KRT27: variants seen among roughly 807,000 people sequenced by gnomAD.
KRT27 encodes keratin 27, also known as keratin, type I cytoskeletal 27.
Under a neutral mutation model 45.3 loss-of-function variants are expected in KRT27, and 30 were observed. The ratio of observed to expected loss-of-function variants is 0.66; its 90% CI spans 0.50 to 0.90. The LOEUF is 0.90. KRT27 is among the 40% of genes least tolerant of loss of function. The pLI, the probability that KRT27 is intolerant of heterozygous loss-of-function variation, is 0.00. For missense variants in KRT27, 610 were observed against 564.3 expected, an observed-to-expected ratio of 1.08 and a Z score of -0.82; for synonymous variants, 204 against 223.9, an observed-to-expected ratio of 0.91 and a Z score of 0.79.
chr17:40,777,990 AG>A (rs2038279468), intron 5 of KRT27: 4 of 479,260 alleles, frequency 8.3e-6, no homozygotes, highest in Non-Finnish European at 1.5e-5. Flanking sequence ...GTCTCTTCAT[AG>A]GGCACAGACT....
At chr17:40,781,121 T>G (rs2038307897) in intron 2 of KRT27, 67 bp downstream of exon 2, 1 of 946,264 alleles carries the variant, frequency 1.1e-6, no homozygotes, top group African/African-American at 1.7e-5. Flanking sequence ...TCAAATAACT[T>G]AGAAGAATAA....
rs1361394780 is a variant in KRT27, at chr17:40,776,893, T to G, written c.*106A>C. ...GGTACTATTCTAAAAATAACTTGTC[T>G]TAATTCATTGGAAGAAAAGCAGAAA... On this transcript the variant is annotated 3_prime_UTR_variant, in exon 8 of 8. Transcript: ENST00000301656. 1.9e-6 allele frequency: 2 copies of G among 1,029,580 alleles called. No homozygotes were observed. The highest frequency in any genetic ancestry group is 2.9e-6 in the Non-Finnish European group (2 of 701,184). The allele number at this position is 1,029,580 out of a possible 1,614,324, so 63.8% of individuals were successfully genotyped here.
At chr17:40,777,392 T>G (rs2144156846) in intron 6 of KRT27, 90 bp from the exon 7 acceptor site, 10 of 1,531,756 alleles carry the variant, frequency 6.5e-6, no homozygotes, top group Non-Finnish European at 9.0e-6. Flanking sequence ...CACTGCATTC[T>G]GAAATAACAC....
chr17:40,776,972 G>C lies in KRT27; in HGVS notation c.*27C>G. ...GCTTCATTTTGGTATTTTAATTTGG[G>C]GGCCATTCTGTCTCAGAGGCTGGAG... On this transcript the variant is annotated 3_prime_UTR_variant, in exon 8 of 8. Coordinates refer to ENST00000301656, the MANE Select transcript of KRT27 (RefSeq NM_181537.4). 6.4e-7 allele frequency: 1 copy of C among 1,565,038 alleles called. No homozygotes were observed. The highest frequency in any genetic ancestry group is 1.2e-5 in the South Asian group (1 of 83,454).
At position 40,781,232 on chromosome 17, in the gene KRT27, C is replaced by T. The variant is rs2143036563; in HGVS notation, c.483G>A (p.Leu161=). The T allele has an allele frequency of 6.2e-7, 1 of 1,611,056 alleles. No homozygotes were observed. Among genetic ancestry groups the T allele is most frequent in the South Asian group, 1.1e-5 (1 of 90,472 alleles). ...CTGTTAGTCTTGCATTATCATTTTG[C>T]AGGACAACATGGGCATTACTGGTAG... is the stretch of plus-strand genomic sequence containing the variant. ...SATTSNAHVV[L]QNDNARLTAD... is the part of the protein sequence containing the mutation. The change falls in exon 2 of 8, where the codon CTG becomes CTA. Residue 161 remains leucine, a synonymous_variant. Transcript: ENST00000301656.
At chr17:40,779,371 AAT>A in intron 5 of KRT27, 129 bp downstream of exon 5, 1 of 1,152,918 alleles carries the variant, frequency 8.7e-7, no homozygotes, top group East Asian at 2.6e-5. Flanking sequence ...GCAAAATGCA[AAT>A]ATGTCTTATG....
At chr17:40,781,156 T>A in intron 2 of KRT27, 32 bp downstream of exon 2, 1 of 1,448,974 alleles carries the variant, frequency 6.9e-7, no homozygotes, top group African/African-American at 1.4e-5. Flanking sequence ...TTAGACAACT[T>A]TTTTTTCCCA....
chr17:40,780,277 A>T, intron 3 of KRT27, 23 bp downstream of exon 3: 1 of 1,574,242 alleles, frequency 6.4e-7, no homozygotes, highest in East Asian at 2.3e-5. Flanking sequence ...CGATTGTGAG[A>T]GCCAGCCGGG....
chr17:40,777,226 T>A, intron 7 of KRT27, 27 bp downstream of exon 7: 3 of 1,613,068 alleles, frequency 1.9e-6, no homozygotes, highest in Non-Finnish European at 2.5e-6. Flanking sequence ...AAATAAACAC[T>A]GAATGCCTAA....
chr17:40,782,465 C>G lies in KRT27; in HGVS notation c.29G>C (p.Arg10Thr). Residue 10 changes from arginine to threonine, a missense_variant, in exon 1 of 8, where the codon AGG (arginine) becomes ACG (threonine). Arg to Thr is a moderately conservative substitution (Grantham distance 71). Transcript: ENST00000301656. Reference protein sequence around the residue: MSVRFSSTSRRLGSCGGTGS... With the variant: MSVRFSSTSTRLGSCGGTGS... ...AGTGCCCCCGCAAGAGCCAAGTCTC[C>G]TGGAGGTAGAAGAAAAGCGCACAGA... 1 of 1,592,318 alleles carries G rather than the reference C, an allele frequency of 6.3e-7. No individual in the cohort carries two copies. Among genetic ancestry groups the G allele is most frequent in the Non-Finnish European group, 8.6e-7 (1 of 1,169,528 alleles).
At chr17:40,779,997 C>T (rs1422139846) in intron 3 of KRT27, 136 bp from the exon 4 acceptor site, 13 of 1,083,410 alleles carry the variant, frequency 1.2e-5, no homozygotes, top group Non-Finnish European at 1.7e-5. Context: ...GAAATCCTGG[C>T]CTCAAGCGAT....
Position 40,782,054 on chromosome 17 carries a change from T to G in KRT27, c.440A>C (p.Asn147Thr). 6.2e-7 allele frequency: 1 copy of G among 1,608,904 alleles called. No individual in the cohort carries two copies. The highest frequency in any genetic ancestry group is 8.5e-7 in the Non-Finnish European group (1 of 1,179,684). ...RYFPIIDELK[N>T]QIISATTSNA... ...TCACGCCATGGCGTTTCTTACCTGG[T>G]TCTTAAGTTCGTCAATAATTGGGAA... Residue 147 changes from asparagine (N) to threonine (T), a missense_variant, in exon 1 of 8, where the codon AAC becomes ACC. Coordinates refer to ENST00000301656, the MANE Select transcript of KRT27 (RefSeq NM_181537.4).
chr17:40,777,262 G>A lies in KRT27; in HGVS notation c.1231C>T (p.Gln411Ter). ...KSKGYGGPGN[Q>*]TKDSSKTTIV... Reference sequence around the variant, plus strand: ...CACAGCTTTTGTTTACCTTTTGTTTGATTTCCTGGGCCTCCATAGCCTTTT... The same window carrying A: ...CACAGCTTTTGTTTACCTTTTGTTTAATTTCCTGGGCCTCCATAGCCTTTT... The change falls in exon 7 of 8, where the codon CAA (glutamine) becomes TAA (stop). Residue 411 changes from glutamine (Q) to a stop codon, truncating the protein, a stop_gained. Transcript: ENST00000301656. LOFTEE classifies it high-confidence loss of function. 6.2e-7 allele frequency: 1 copy of A among 1,613,874 alleles called. No homozygotes were observed. Among genetic ancestry groups the A allele is most frequent in the East Asian group, 2.2e-5 (1 of 44,860 alleles).
At position 40,776,974 on chromosome 17, in the gene KRT27, G is replaced by A; in HGVS notation, c.*25C>T. The A allele has an allele frequency of 6.4e-7, 1 of 1,567,952 alleles. No homozygotes were observed. The highest frequency in any genetic ancestry group is 8.7e-7 in the Non-Finnish European group (1 of 1,153,238). On this transcript the variant is annotated 3_prime_UTR_variant, in exon 8 of 8. Transcript: ENST00000301656. ...TTCATTTTGGTATTTTAATTTGGGG[G>A]CCATTCTGTCTCAGAGGCTGGAGTT...
Position 40,777,699 on chromosome 17 carries a change from C to T in KRT27, c.1006G>A (p.Glu336Lys), listed in dbSNP as rs751510685. 1.3e-5 allele frequency: 21 copies of T among 1,614,124 alleles called. No individual in the cohort carries two copies. The highest frequency in any genetic ancestry group is 4.0e-5 in the African/African-American group (3 of 75,014). ...GCCAGCTGTGCACAGTAGTTACTCT[C>T]GGTCTCTGTCAAGGAGCACTCCAGG... ...HSLECSLTET[E>K]SNYCAQLAQI... Residue 336 changes from glutamate to lysine, a missense_variant, in exon 6 of 8, where the codon GAG (glutamate) becomes AAG (lysine). Physicochemically the swap from Glu to Lys is moderately conservative, Grantham distance 56. Coordinates refer to ENST00000301656, the MANE Select transcript of KRT27 (RefSeq NM_181537.4).
In KRT27 at chr17:40,779,573, G is replaced by C; in HGVS notation, c.901C>G (p.Arg301Gly). 1 of 1,614,228 alleles carries C rather than the reference G, an allele frequency of 6.2e-7. No homozygotes were observed. The highest frequency in any genetic ancestry group is 8.5e-7 in the Non-Finnish European group (1 of 1,180,034). Residue 301 changes from arginine to glycine, a missense_variant, in exon 5 of 8, where the codon CGG becomes GGG. Arg to Gly is a moderately radical substitution (Grantham distance 125). Transcript: ENST00000301656. Reference sequence around the variant, plus strand: ...CGTTTCATCTCGATAAGCTCATTCCGGGCTGAGGTGGTGGCGCCAGCGTCG... The same window carrying C: ...CGTTTCATCTCGATAAGCTCATTCCCGGCTGAGGTGGTGGCGCCAGCGTCG... ...SDDAGATTSA[R>G]NELIEMKRTL... is the part of the protein sequence containing the mutation.
rs955541612 is a variant in KRT27, at chr17:40,782,530, T to C, written c.-37A>G. The C allele has an allele frequency of 2.7e-6, 4 of 1,474,650 alleles. No homozygotes were observed. The African/African-American group carries it at 5.7e-5, about 21-fold the overall frequency. 91.3% of individuals were successfully genotyped at this position (1,474,650 alleles called of 1,614,324 possible). ...GCTGGAGCCTTTGTTTCTGCGGTGATGCTCTGATGGTGAACGGCCTACTCA... is the reference window on the plus strand; with the variant it reads ...GCTGGAGCCTTTGTTTCTGCGGTGACGCTCTGATGGTGAACGGCCTACTCA... On this transcript the variant is annotated 5_prime_UTR_variant, in exon 1 of 8. Transcript: ENST00000301656.
chr17:40,777,326 A>C (rs761336646), intron 6 of KRT27, 24 bp from the exon 7 acceptor site: 2 of 1,596,854 alleles, frequency 1.3e-6, no homozygotes, highest in Non-Finnish European at 1.7e-6. Flanking sequence ...GAGCGCTTAT[A>C]TTAATTATTC....
intron 2 of KRT27, 22 bp from the exon 3 acceptor site, chr17:40,780,478 T>A: frequency 6.2e-7 from 1 of 1,608,978 alleles, no homozygotes; most frequent in South Asian, 1.1e-5. Context: ...ATTTGGAAGT[T>A]TCATCATTAG....
Sources: gnomAD v4.1 joint callset for allele counts on GRCh38, gnomAD v4.1.1 for gene constraint, MANE v1.5 for transcripts, NCBI Gene and HGNC (gene_info 2026-07-23, HGNC 2026-07-21) for gene names.